ITCH: variants seen among roughly 807,000 people sequenced by gnomAD.
ITCH encodes E3 ubiquitin-protein ligase Itchy homolog.
ITCH carries 28 observed loss-of-function variants against 126.8 expected under a neutral mutation model. The observed-to-expected ratio is 0.22, with a 90% CI of 0.16 to 0.30. The LOEUF (loss-of-function observed/expected upper bound fraction) is 0.30, where lower values mean the gene tolerates loss of function less well. Among genes scored for constraint, ITCH ranks in the 10% least tolerant of loss-of-function variants. The pLI, the probability that ITCH is intolerant of heterozygous loss-of-function variation, is 1.00. For synonymous variants in ITCH, 342 were observed against 340.0 expected (o/e 1.01, Z -0.06); for missense variants, 631 against 1,032.4 (o/e 0.61, Z 5.33).
At chr20:34,456,004 A>G (rs1240202090) in intron 12 of ITCH, among the ~76,000 whole-genome samples, 1 of 151,336 alleles carries the variant, frequency 6.6e-6, no homozygotes, top group African/African-American at 2.4e-5. Flanking sequence ...AAGGAACGAG[A>G]TATGTTAAGT....
At chr20:34,438,430 C>A (rs372502265) in intron 7 of ITCH, 44 bp from the exon 8 acceptor site, 2 of 1,597,388 alleles carry the variant, frequency 1.3e-6, no homozygotes, top group African/African-American at 1.3e-5. Context: ...AAGGAGTATT[C>A]ATTATTTCCC....
chr20:34,475,908 T>C, intron 16 of ITCH: 2 of 1,103,958 alleles, frequency 1.8e-6, no homozygotes, highest in Non-Finnish European at 2.8e-6. Flanking sequence ...ATGAAAATAT[T>C]CCTATTTGTT....
At chr20:34,393,631 A>G (rs2038563442) in intron 2 of ITCH, 160 bp from the exon 3 acceptor site, 3 of 658,438 alleles carry the variant, frequency 4.6e-6, no homozygotes, top group African/African-American at 1.8e-5. Flanking sequence ...GATTTTGCCA[A>G]TAAGTTAGGT....
intron 7 of ITCH, among the ~76,000 whole-genome samples, chr20:34,427,051 G>A (rs1189199352): frequency 6.6e-6 from 1 of 152,154 alleles, no homozygotes; most frequent in East Asian, 1.9e-4. Context: ...TGGGATTACA[G>A]GCATGAGCCA....
Position 34,422,799 on chromosome 20 carries a change from A to AT in ITCH, c.476-1668dup, listed in dbSNP as rs967184082. Among the ~76,000 whole-genome samples the AT allele has an allele frequency of 7.2e-3, 1,042 of 144,828 alleles. 7 individuals are homozygous for AT. Among genetic ancestry groups the AT allele is most frequent in the East Asian group, 0.014 (68 of 5,000 alleles). The stretch of plus-strand genomic sequence containing the variant: ...CCACAGGCAACCACCACTAATCTGT[A>AT]TTTTTTTTTTTTTGAGACGGAGTTT... On this transcript the variant is annotated intron_variant, in intron 6 of 24. Transcript: ENST00000374864.
intron 6 of ITCH, among the ~76,000 whole-genome samples, chr20:34,420,840 T>C (rs923440775): frequency 2.0e-5 from 3 of 152,210 alleles, no homozygotes; most frequent in Non-Finnish European, 4.4e-5. Flanking sequence ...AGGGCCTAAA[T>C]TGGGGATTCT....
intron 14 of ITCH, among the ~76,000 whole-genome samples, chr20:34,467,297 G>A (rs1987158972): frequency 1.3e-5 from 2 of 152,146 alleles, no homozygotes; most frequent in Admixed American, 6.5e-5. Flanking sequence ...GGGAGGCCAA[G>A]GTGGGCAGAT....
chr20:34,468,210 AT>A, intron 14 of ITCH, among the ~76,000 whole-genome samples: 1 of 151,520 alleles, frequency 6.6e-6, no homozygotes, highest in Non-Finnish European at 1.5e-5. Flanking sequence ...AATTTTTTGT[AT>A]TTTTAGTAGA....
intron 3 of ITCH, among the ~76,000 whole-genome samples, chr20:34,404,780 A>C (rs2039000955): frequency 6.6e-6 from 1 of 152,036 alleles, no homozygotes; most frequent in Non-Finnish European, 1.5e-5. Context: ...TTGATATTGA[A>C]ATGACATTTA....
chr20:34,502,989 G>T (rs747734442), intron 23 of ITCH, among the ~76,000 whole-genome samples: 1 of 152,188 alleles, frequency 6.6e-6, no homozygotes, highest in African/African-American at 2.4e-5. Flanking sequence ...TCCAGCCAGG[G>T]TGACAGAGTG....
At chr20:34,406,537 T>TC (rs1405466114) in intron 3 of ITCH, among the ~76,000 whole-genome samples, 1 of 146,924 alleles carries the variant, frequency 6.8e-6, no homozygotes, top group Non-Finnish European at 1.5e-5. Flanking sequence ...TGCTGCTTCT[T>TC]TTTTTTTTTT....
rs2038051211 is a variant in ITCH, at chr20:34,381,271, G to A, written c.-22+11801G>A. Among the ~76,000 whole-genome samples, 3 of 151,826 alleles carry A rather than the reference G, an allele frequency of 2.0e-5. No individual in the cohort carries two copies. In the South Asian group the frequency reaches 6.2e-4, roughly 32 times the overall value. On this transcript the variant is annotated intron_variant, in intron 2 of 24. Transcript: ENST00000374864. ...AACAACTATCTGGACGTGGTGGTGT[G>A]TGCCTGTTTTTTTTGTTTGTTTGTT...
chr20:34,435,146 T>G (rs1331149938), intron 7 of ITCH, among the ~76,000 whole-genome samples: 2 of 150,790 alleles, frequency 1.3e-5, no homozygotes, highest in African/African-American at 4.8e-5. Context: ...AGTCTTGAGC[T>G]GTGATTTTTT....
chr20:34,417,554 C>T (rs943133660), intron 6 of ITCH, among the ~76,000 whole-genome samples: 4 of 151,854 alleles, frequency 2.6e-5, no homozygotes, highest in Non-Finnish European at 4.4e-5. Context: ...CATGCGCCAC[C>T]ATGCTTGGCT....
chr20:34,478,541 G>A (rs1001832402), intron 17 of ITCH, among the ~76,000 whole-genome samples: 27 of 152,230 alleles, frequency 1.8e-4, no homozygotes, highest in Middle Eastern at 6.8e-3. Context: ...GGGTCAAGAC[G>A]GGATTTGAAT....
chr20:34,476,207 G>T, intron 16 of ITCH: 1 of 801,234 alleles, frequency 1.2e-6, no homozygotes, highest in South Asian at 1.3e-5. Context: ...ACAACGTCTA[G>T]CAGAGAATCA....
intron 23 of ITCH, among the ~76,000 whole-genome samples, chr20:34,495,049 C>T (rs1009223418): frequency 3.0e-4 from 44 of 147,810 alleles, no homozygotes; most frequent in Non-Finnish European, 5.9e-5. Flanking sequence ...GTCAGGAGTT[C>T]GAGACCAGCC....
chr20:34,424,202 AAAAG>A (rs1981174097), intron 6 of ITCH, among the ~76,000 whole-genome samples: 1 of 152,216 alleles, frequency 6.6e-6, no homozygotes, highest in Admixed American at 6.5e-5. Flanking sequence ...TATTTCAAAA[AAAAG>A]GCAGGAATAG....
At chr20:34,421,594 T>TTTGTTG (rs35405455) in intron 6 of ITCH, among the ~76,000 whole-genome samples, 58 of 151,632 alleles carry the variant, frequency 3.8e-4, no homozygotes, top group South Asian at 1.0e-3. Flanking sequence ...GTGTTAGATT[T>TTTGTTG]TTGTTGTTGT....
Sources: gnomAD v4.1 joint callset for allele counts (sites outside exome capture counted in the v4.1 genomes callset) on GRCh38, gnomAD v4.1.1 for gene constraint, MANE v1.5 for transcripts, NCBI Gene and HGNC (gene_info 2026-07-23, HGNC 2026-07-21) for gene names.